ADGRL2: variants seen among roughly 807,000 people sequenced by gnomAD.
The protein encoded by ADGRL2 is adhesion G protein-coupled receptor L2.
Under a neutral mutation model 157.4 loss-of-function variants are expected in ADGRL2, and 44 were observed. That is an observed-to-expected ratio of 0.28 (90% CI 0.22 to 0.36). The LOEUF (loss-of-function observed/expected upper bound fraction) is 0.36. Among genes scored for constraint, ADGRL2 ranks in the 10% least tolerant of loss-of-function variants. The pLI is 1.00. For synonymous variants in ADGRL2, 585 were observed against 624.7 expected (o/e 0.94, Z 0.95); for missense variants, 1,510 against 1,768.9 (o/e 0.85, Z 2.63).
intron 1 of ADGRL2, among the ~76,000 whole-genome samples, chr1:81,823,535 A>G (rs953530087): frequency 2.0e-5 from 3 of 152,028 alleles, no homozygotes; most frequent in Non-Finnish European, 4.4e-5. Flanking sequence ...GTAGCACTGA[A>G]GTGATAGACA....
intron 2 of ADGRL2, among the ~76,000 whole-genome samples, chr1:81,552,404 A>T (rs1163357957): frequency 6.6e-6 from 1 of 152,014 alleles, no homozygotes; most frequent in African/African-American, 2.4e-5. Context: ...TTGCTCTATA[A>T]AGGTTTCTGG....
At chr1:81,437,303 T>A (rs1413294977) in intron 1 of ADGRL2, among the ~76,000 whole-genome samples, 3 of 150,624 alleles carry the variant, frequency 2.0e-5, no homozygotes, top group Non-Finnish European at 4.4e-5. Flanking sequence ...AAAGGAAAGC[T>A]TTTTTTTACA....
chr1:81,363,492 G>C (rs547763712), intron 1 of ADGRL2, among the ~76,000 whole-genome samples: 22 of 152,022 alleles, frequency 1.4e-4, no homozygotes, highest in East Asian at 9.7e-4. Context: ...CTATCCACTG[G>C]GTAGAATTAT....
chr1:81,389,916 C>T (rs2076503331), intron 1 of ADGRL2, among the ~76,000 whole-genome samples: 1 of 151,994 alleles, frequency 6.6e-6, no homozygotes, highest in African/African-American at 2.4e-5. Context: ...TACAAAATTC[C>T]ATGTCTGCTA....
chr1:81,429,448 C>A (rs1570944051), intron 1 of ADGRL2, among the ~76,000 whole-genome samples: 1 of 152,300 alleles, frequency 6.6e-6, no homozygotes, highest in East Asian at 1.9e-4. Flanking sequence ...AACAGCCTGC[C>A]TATGTTTTAA....
At chr1:81,360,870 T>G (rs1354856609) in intron 1 of ADGRL2, among the ~76,000 whole-genome samples, 1 of 151,964 alleles carries the variant, frequency 6.6e-6, no homozygotes. Flanking sequence ...AAAAATATTT[T>G]GCATGAAACA....
chr1:81,721,826 C>T, intron 1 of ADGRL2: 2 of 955,552 alleles, frequency 2.1e-6, no homozygotes. Context: ...ACCTGCTACT[C>T]AGAAAGCTAA....
chr1:81,769,178 A>T (rs2149338807), intron 2 of ADGRL2, among the ~76,000 whole-genome samples: 1 of 152,190 alleles, frequency 6.6e-6, no homozygotes. Flanking sequence ...TCTCTTTCTA[A>T]TTTGTGCATT....
intron 2 of ADGRL2, among the ~76,000 whole-genome samples, chr1:81,469,096 C>T (rs542319320): frequency 8.5e-5 from 13 of 152,312 alleles, no homozygotes; most frequent in African/African-American, 3.1e-4. Context: ...CAGTGGTTCT[C>T]ACACTTTCCT....
intron 1 of ADGRL2, among the ~76,000 whole-genome samples, chr1:81,823,715 A>C (rs2091215274): frequency 6.6e-6 from 1 of 152,026 alleles, no homozygotes; most frequent in Non-Finnish European, 1.5e-5. Context: ...TGATGGACCC[A>C]ACTGAGTCTT....
At chr1:81,828,666 A>T (rs1190598128) in intron 1 of ADGRL2, among the ~76,000 whole-genome samples, 6 of 152,120 alleles carry the variant, frequency 3.9e-5, no homozygotes, top group African/African-American at 1.4e-4. Flanking sequence ...TTGAAATTTT[A>T]ATAGGTTATA....
At chr1:81,624,732 G>T (rs1308910090) in intron 3 of ADGRL2, among the ~76,000 whole-genome samples, 1 of 152,162 alleles carries the variant, frequency 6.6e-6, no homozygotes, top group East Asian at 1.9e-4. Flanking sequence ...GGCATATATG[G>T]AGAAGAATTA....
intron 1 of ADGRL2, among the ~76,000 whole-genome samples, chr1:81,401,239 G>A (rs1570857196): frequency 6.6e-6 from 1 of 152,250 alleles, no homozygotes; most frequent in East Asian, 1.9e-4. Context: ...AGGCACAGAG[G>A]GATGAGACTG....
chr1:81,574,484 T>A (rs943440413), intron 2 of ADGRL2, among the ~76,000 whole-genome samples: 1 of 152,186 alleles, frequency 6.6e-6, no homozygotes, highest in Non-Finnish European at 1.5e-5. Context: ...TGGGACAGAC[T>A]GCAGAGCCCA....
intron 2 of ADGRL2, among the ~76,000 whole-genome samples, chr1:81,848,352 C>T (rs1393140975): frequency 6.6e-6 from 1 of 151,624 alleles, no homozygotes; most frequent in African/African-American, 2.4e-5. Context: ...GACTTTGAAT[C>T]ACAGCTTGGA....
rs79297182 is a variant in ADGRL2 at position 81,445,697 on chromosome 1, C to T, written c.-248+608C>T. 8.2e-3 allele frequency among the ~76,000 whole-genome samples: 1,253 copies of T among 152,176 alleles called. 6 individuals carry two copies. The highest frequency in any genetic ancestry group is 0.02 in the Middle Eastern group (6 of 294). ...CGGACTTACATAGGATCTTTAATTC[C>T]ACCTATAGCAAAATGATTAAAAGCC... On this transcript the variant is annotated intron_variant, in intron 2 of 24. Coordinates refer to the ADGRL2 transcript ENST00000370721.
At chr1:81,564,730 G>C (rs2080520192) in intron 2 of ADGRL2, among the ~76,000 whole-genome samples, 1 of 152,202 alleles carries the variant, frequency 6.6e-6, no homozygotes, top group African/African-American at 2.4e-5. Context: ...AATTATACAT[G>C]CATACCAAGA....
chr1:81,989,835 C>T, intron 23 of ADGRL2: 1 of 1,397,184 alleles, frequency 7.2e-7, no homozygotes, highest in African/African-American at 1.5e-5. Context: ...TGTTTTCATT[C>T]TTTTTTTTAC....
At chr1:81,517,239 G>A (rs1439370236) in intron 2 of ADGRL2, among the ~76,000 whole-genome samples, 5 of 151,972 alleles carry the variant, frequency 3.3e-5, no homozygotes, top group Non-Finnish European at 5.9e-5. Flanking sequence ...TTGGGAGGCC[G>A]AGGTGGGCAG....
Sources: gnomAD v4.1 joint callset for allele counts (sites outside exome capture counted in the v4.1 genomes callset) on GRCh38, gnomAD v4.1.1 for gene constraint, MANE v1.5 for transcripts, NCBI Gene and HGNC (gene_info 2026-07-23, HGNC 2026-07-21) for gene names.